The following C4orf36 variants were observed in gnomAD, a reference collection of about 807,000 sequenced individuals.
The protein encoded by C4orf36 is uncharacterized protein C4orf36.
Under a neutral mutation model 12.2 loss-of-function variants are expected in C4orf36, and 11 were observed. The ratio of observed to expected loss-of-function variants is 0.90; its 90% CI spans 0.57 to 1.49. C4orf36 has a LOEUF of 1.49. Ranked by LOEUF, C4orf36 falls within the 40% of genes most tolerant of loss-of-function variation. C4orf36 has a pLI of 0.00. For synonymous variants in C4orf36, 54 were observed against 51.3 expected, an observed-to-expected ratio of 1.05 and a Z score of -0.22; for missense variants, 137 against 133.9, an observed-to-expected ratio of 1.02 and a Z score of -0.11.
chr4:86,902,814 T>G, the C4orf36 span, among the ~76,000 whole-genome samples: 1 of 152,232 alleles, frequency 6.6e-6, no homozygotes, highest in Non-Finnish European at 1.5e-5. Context: ...TTATTATGTT[T>G]ATTGTTTTGA....
the C4orf36 span, among the ~76,000 whole-genome samples, chr4:86,903,894 C>A: frequency 1.3e-5 from 2 of 152,144 alleles, no homozygotes; most frequent in African/African-American, 2.4e-5. Context: ...TTCTCCAAGT[C>A]CCCACTGACT....
the C4orf36 span, among the ~76,000 whole-genome samples, chr4:86,911,281 T>C: frequency 6.6e-6 from 1 of 152,130 alleles, no homozygotes; most frequent in Non-Finnish European, 1.5e-5. Context: ...AGTGGTGAGA[T>C]CCCAGCCTTT....
chr4:86,900,595 T>C, the C4orf36 span, among the ~76,000 whole-genome samples: 86 of 152,270 alleles, frequency 5.6e-4, no homozygotes, highest in Middle Eastern at 0.014. Context: ...CAGACCCCTC[T>C]TTCTCTGGCC....
chr4:86,890,210 G>GAAGGA, intron 2 of C4orf36: 2 of 133,936 alleles, frequency 1.5e-5, no homozygotes, highest in Non-Finnish European at 2.7e-5. Context: ...AGGGAGGGAG[G>GAAGGA]AAGGAAGGAA....
At chr4:86,903,756 C>G in the C4orf36 span, among the ~76,000 whole-genome samples, 46 of 152,142 alleles carry the variant, frequency 3.0e-4, no homozygotes, top group African/African-American at 1.1e-3. Flanking sequence ...TTACAGAGAG[C>G]TGATTGGCCC....
chr4:86,892,345 C>G lies in C4orf36; in HGVS notation c.-236G>C. On this transcript the variant is annotated 5_prime_UTR_variant, in exon 1 of 5. Transcript: ENST00000295898. ...TGAGGTAAGAGCGCGCTGCGCTAAG[C>G]GCACATGGCCGCGCACACGCCTCGG... 2.0e-6 allele frequency: 2 copies of G among 985,488 alleles called. No homozygotes were observed. The highest frequency in any genetic ancestry group is 2.4e-6 in the Non-Finnish European group (2 of 829,960). 61.0% of individuals were successfully genotyped at this position (985,488 alleles called of 1,614,324 possible).
At chr4:86,929,767 A>C in the C4orf36 span, among the ~76,000 whole-genome samples, 1 of 152,236 alleles carries the variant, frequency 6.6e-6, no homozygotes, top group African/African-American at 2.4e-5. Flanking sequence ...TAAAGACATA[A>C]AACAAAAAAA....
chr4:86,931,908 G>A, the C4orf36 span, among the ~76,000 whole-genome samples: 1 of 151,896 alleles, frequency 6.6e-6, no homozygotes, highest in African/African-American at 2.4e-5. Flanking sequence ...GGTGGCAGGC[G>A]CCTGTAGTCC....
chr4:86,892,390 GCCT>G lies in C4orf36; in HGVS notation c.-284_-282del. The stretch of plus-strand genomic sequence containing the variant: ...CCTCGGGGCCGCGCCGCAGGCACAC[GCCT>G]CCTTCCCGCTCGCCGCGGGCGCCGA... On this transcript the variant is annotated 5_prime_UTR_variant, in exon 1 of 5. Coordinates refer to ENST00000295898, the MANE Select transcript of C4orf36 (RefSeq NM_144645.4). 1.0e-6 allele frequency: 1 copy of G among 985,530 alleles called. No homozygotes were observed. Among genetic ancestry groups the G allele is most frequent in the Non-Finnish European group, 1.2e-6 (1 of 830,036 alleles). 61.0% of individuals were successfully genotyped at this position (985,530 alleles called of 1,614,324 possible).
chr4:86,927,032 C>A, the C4orf36 span, among the ~76,000 whole-genome samples: 1 of 152,172 alleles, frequency 6.6e-6, no homozygotes, highest in African/African-American at 2.4e-5. Flanking sequence ...GTAGTTGTGA[C>A]AGAGACCATG....
the C4orf36 span, among the ~76,000 whole-genome samples, chr4:86,926,977 T>C: frequency 1.3e-5 from 2 of 152,252 alleles, no homozygotes; most frequent in South Asian, 4.1e-4. Context: ...ATTCATTCTC[T>C]ATGTACTGCC....
At chr4:86,913,645 T>A in the C4orf36 span, 1 of 1,583,350 alleles carries the variant, frequency 6.3e-7, no homozygotes, top group Non-Finnish European at 8.6e-7. Flanking sequence ...ACCTGCACAC[T>A]TTTTGAGGCA....
At chr4:86,895,216 T>C (rs1428074303), upstream of C4orf36, among the ~76,000 whole-genome samples, 2 of 152,068 alleles carry the variant, frequency 1.3e-5, no homozygotes, top group Non-Finnish European at 2.9e-5. Context: ...CTCCAGAGGC[T>C]GAGGCAGGAG....
the C4orf36 span, among the ~76,000 whole-genome samples, chr4:86,934,268 C>A: frequency 6.6e-6 from 1 of 152,212 alleles, no homozygotes; most frequent in East Asian, 1.9e-4. Context: ...ATGAAGACAG[C>A]CTGTTGCTTT....
upstream of C4orf36, among the ~76,000 whole-genome samples, chr4:86,893,543 G>A (rs948536113): frequency 4.6e-5 from 7 of 150,686 alleles, no homozygotes; most frequent in African/African-American, 1.5e-4. Context: ...CCGAGATGGC[G>A]CCACTGCATT....
the C4orf36 span, among the ~76,000 whole-genome samples, chr4:86,907,968 A>AC: frequency 3.3e-5 from 5 of 151,842 alleles, no homozygotes; most frequent in African/African-American, 4.8e-5. Flanking sequence ...AGAAAAAAAA[A>AC]AAAAAGAGAA....
chr4:86,897,799 G>A, the C4orf36 span, among the ~76,000 whole-genome samples: 1 of 152,190 alleles, frequency 6.6e-6, no homozygotes, highest in East Asian at 1.9e-4. Context: ...CAGAGCTGGA[G>A]TAGTGGGAAT....
chr4:86,909,248 G>A, the C4orf36 span, among the ~76,000 whole-genome samples: 1 of 152,188 alleles, frequency 6.6e-6, no homozygotes, highest in Non-Finnish European at 1.5e-5. Context: ...GTCAAGAAGT[G>A]ATGAAAGAGA....
In C4orf36 at chr4:86,881,125, T is replaced by A. The variant is rs116481478; in HGVS notation, c.*3-4682A>T. ...TTGTTGTGTAGATCACTTTTAAGTTTGGCATAGAATCTAAAATACAAAAGC... is the reference window on the plus strand; with the variant it reads ...TTGTTGTGTAGATCACTTTTAAGTTAGGCATAGAATCTAAAATACAAAAGC... On this transcript the variant is annotated intron_variant, in intron 4 of 4. Coordinates refer to ENST00000295898, the MANE Select transcript of C4orf36 (RefSeq NM_144645.4). 7.6e-3 allele frequency among the ~76,000 whole-genome samples: 1,034 copies of A among 136,124 alleles called. 15 individuals carry two copies. Among genetic ancestry groups the A allele is most frequent in the African/African-American group, 0.026 (969 of 36,672 alleles). 89.3% of individuals were successfully genotyped at this position (136,124 alleles called of 152,430 possible). A position where few individuals can be genotyped will look rare whatever the true frequency, so the allele number is the denominator to read the frequency against.
Sources: allele counts gnomAD v4.1 joint callset (sites outside exome capture counted in the v4.1 genomes callset), GRCh38; gene constraint gnomAD v4.1.1; transcripts MANE v1.5; gene names NCBI Gene and HGNC (gene_info 2026-07-23, HGNC 2026-07-21).